DLG2: variants seen among roughly 807,000 people sequenced by gnomAD.
DLG2 encodes the protein discs large MAGUK scaffold protein 2.
DLG2 carries 45 observed loss-of-function variants against 132.5 expected under a neutral mutation model. The ratio of observed to expected loss-of-function variants is 0.34; its 90% CI spans 0.27 to 0.44. DLG2 has a LOEUF of 0.44. Ranked by LOEUF, DLG2 falls within the 20% of genes least tolerant of loss-of-function variation. The probability of loss-of-function intolerance (pLI) is 1.00; values close to 1 mark genes in which losing one functional copy is unlikely to be tolerated. For synonymous variants in DLG2, 424 were observed against 419.6 expected, an observed-to-expected ratio of 1.01 and a Z score of -0.13; for missense variants, 1,045 against 1,196.9, an observed-to-expected ratio of 0.87 and a Z score of 1.87.
chr11:85,563,654 C>A (rs749260886), intron 3 of DLG2, among the ~76,000 whole-genome samples: 5 of 147,480 alleles, frequency 3.4e-5, no homozygotes, highest in Non-Finnish European at 6.2e-5. Context: ...TAATGAATTT[C>A]ATTCCTTTTT....
At chr11:84,967,021 G>A (rs770284453) in intron 6 of DLG2, among the ~76,000 whole-genome samples, 8 of 152,052 alleles carry the variant, frequency 5.3e-5, no homozygotes, top group South Asian at 2.1e-4. Flanking sequence ...GACCTACTGA[G>A]CCAAAATGCC....
chr11:85,351,609 T>A (rs1213520252), intron 3 of DLG2, among the ~76,000 whole-genome samples: 1 of 152,240 alleles, frequency 6.6e-6, no homozygotes, highest in Non-Finnish European at 1.5e-5. Context: ...TATTGAGTTT[T>A]TAGCATGAAG....
intron 7 of DLG2, among the ~76,000 whole-genome samples, chr11:84,357,639 GA>G (rs2098624341): frequency 6.6e-6 from 1 of 151,954 alleles, no homozygotes; most frequent in African/African-American, 2.4e-5. Flanking sequence ...AGAGGTCTGT[GA>G]ACAAATATGG....
At chr11:83,966,519 T>C (rs960873645) in intron 12 of DLG2, among the ~76,000 whole-genome samples, 1 of 152,024 alleles carries the variant, frequency 6.6e-6, no homozygotes, top group Admixed American at 6.6e-5. Flanking sequence ...GATTTTAAGA[T>C]AATCTCTCTA....
chr11:84,664,503 A>G (rs1381339517), intron 6 of DLG2, among the ~76,000 whole-genome samples: 1 of 152,094 alleles, frequency 6.6e-6, no homozygotes, highest in East Asian at 1.9e-4. Flanking sequence ...GGTAACATAA[A>G]CTCATTTTTC....
intron 6 of DLG2, among the ~76,000 whole-genome samples, chr11:84,611,987 A>G (rs547779795): frequency 1.3e-5 from 2 of 152,280 alleles, no homozygotes; most frequent in African/African-American, 4.8e-5. Context: ...TTTAAAGTGT[A>G]CAATTTAGAA....
intron 6 of DLG2, among the ~76,000 whole-genome samples, chr11:84,560,333 T>C (rs2099423719): frequency 1.3e-5 from 2 of 152,116 alleles, no homozygotes; most frequent in Admixed American, 6.5e-5. Flanking sequence ...TTCAAGTGAA[T>C]AACTCAGTCC....
At chr11:85,105,634 T>G (rs942307783) in intron 6 of DLG2, among the ~76,000 whole-genome samples, 49 of 152,022 alleles carry the variant, frequency 3.2e-4, no homozygotes, top group African/African-American at 1.2e-3. Flanking sequence ...TCCTGTACGC[T>G]GCAATTTTCT....
chr11:84,226,547 T>C (rs898615592), intron 8 of DLG2, among the ~76,000 whole-genome samples: 1 of 152,202 alleles, frequency 6.6e-6, no homozygotes, highest in Non-Finnish European at 1.5e-5. Context: ...CAAATAAAAA[T>C]ACTATTTCTA....
chr11:85,301,055 G>C (rs1208974857), intron 3 of DLG2, among the ~76,000 whole-genome samples: 1 of 152,144 alleles, frequency 6.6e-6, no homozygotes, highest in Non-Finnish European at 1.5e-5. Context: ...ACAAAAATTA[G>C]CTGGGTGTGG....
intron 15 of DLG2, among the ~76,000 whole-genome samples, chr11:83,884,398 GC>G (rs2067200715): frequency 6.6e-6 from 1 of 152,164 alleles, no homozygotes; most frequent in African/African-American, 2.4e-5. Flanking sequence ...GGGGAGGGGC[GC>G]CCGCCATTGC....
chr11:83,849,718 T>C (rs1031636483), intron 16 of DLG2, among the ~76,000 whole-genome samples: 1 of 151,386 alleles, frequency 6.6e-6, no homozygotes, highest in Admixed American at 6.6e-5. Context: ...GCAGGTTTTA[T>C]GTGGTCTGGA....
chr11:84,109,939 T>G (rs2093240494), intron 9 of DLG2, among the ~76,000 whole-genome samples: 1 of 152,236 alleles, frequency 6.6e-6, no homozygotes, highest in Non-Finnish European at 1.5e-5. Flanking sequence ...CAAATCTTGT[T>G]GATTCTACCC....
At chr11:85,474,569 A>C (rs1435845639) in intron 3 of DLG2, among the ~76,000 whole-genome samples, 5 of 151,952 alleles carry the variant, frequency 3.3e-5, no homozygotes, top group Admixed American at 3.3e-4. Context: ...AAATATATCA[A>C]GAAAAAGACT....
At chr11:83,775,345 C>T (rs1044523525) in intron 18 of DLG2, among the ~76,000 whole-genome samples, 6 of 152,116 alleles carry the variant, frequency 3.9e-5, no homozygotes, top group Admixed American at 1.3e-4. Context: ...GGATGGTGCA[C>T]GGGTTGTTCT....
At chr11:83,510,435 A>G (rs1164045489) in intron 21 of DLG2, among the ~76,000 whole-genome samples, 1 of 152,162 alleles carries the variant, frequency 6.6e-6, no homozygotes, top group Non-Finnish European at 1.5e-5. Flanking sequence ...CATTCATTAT[A>G]ATGTTGTGAC....
intron 16 of DLG2, among the ~76,000 whole-genome samples, chr11:83,857,014 A>G (rs997276603): frequency 1.3e-5 from 2 of 152,218 alleles, no homozygotes; most frequent in African/African-American, 2.4e-5. Context: ...GGTATAAGAA[A>G]GGAGTACAGT....
At chr11:84,993,136 G>A (rs2057305527) in intron 6 of DLG2, among the ~76,000 whole-genome samples, 1 of 152,166 alleles carries the variant, frequency 6.6e-6, no homozygotes, top group South Asian at 2.1e-4. Context: ...GGACATGGAT[G>A]AAGCTGGAAG....
At chr11:84,950,690 C>T (rs1478566924) in intron 6 of DLG2, among the ~76,000 whole-genome samples, 2 of 151,882 alleles carry the variant, frequency 1.3e-5, no homozygotes, top group Non-Finnish European at 2.9e-5. Context: ...TTCTCTTGTT[C>T]CCTTGCATAT....
Sources: gnomAD v4.1 joint callset for allele counts (sites outside exome capture counted in the v4.1 genomes callset) on GRCh38, gnomAD v4.1.1 for gene constraint, MANE v1.5 for transcripts, NCBI Gene and HGNC (gene_info 2026-07-23, HGNC 2026-07-21) for gene names.